Variants in ADD1 observed in about 807,000 individuals in gnomAD.
ADD1 encodes adducin 1, also known as alpha-adducin.
In ADD1, 24 loss-of-function variants were observed where a neutral mutation model predicts 80.5. That is an observed-to-expected ratio of 0.30 (90% confidence interval 0.22 to 0.42). The LOEUF (loss-of-function observed/expected upper bound fraction) is 0.42. Among genes scored for constraint, ADD1 ranks in the 10% least tolerant of loss-of-function variants. ADD1 has a pLI of 1.00. For missense variants in ADD1, 948 were observed against 1,019.0 expected (o/e 0.93, Z 0.95); for synonymous variants, 373 against 393.8 (o/e 0.95, Z 0.63).
At chr4:2,881,072 CTTTTTTTTTTTTT>C (rs752868581) in intron 2 of ADD1, among the ~76,000 whole-genome samples, 1 of 89,362 alleles carries the variant, frequency 1.1e-5, no homozygotes, top group African/African-American at 4.6e-5. Flanking sequence ...GATGTATTTA[CTTTTTTTTTTTTT>C]TTTTTTTTTT....
At chr4:2,909,540 A>G (rs1577678599) in intron 13 of ADD1, 109 bp downstream of exon 13, 13 of 765,974 alleles carry the variant, frequency 1.7e-5, no homozygotes, top group Non-Finnish European at 2.8e-5. Context: ...AGTAGCTTCA[A>G]ATGGATCTTT....
intron 1 of ADD1, among the ~76,000 whole-genome samples, chr4:2,852,001 G>A (rs1424347816): frequency 6.6e-6 from 1 of 152,054 alleles, no homozygotes; most frequent in Non-Finnish European, 1.5e-5. Context: ...ACTACGCCCG[G>A]CTAATTTTTG....
At chr4:2,921,697 G>T (rs1161263574) in intron 14 of ADD1, among the ~76,000 whole-genome samples, 1 of 152,018 alleles carries the variant, frequency 6.6e-6, no homozygotes, top group African/African-American at 2.4e-5. Context: ...GCTAGGTTGG[G>T]GAAGTTCTCC....
intron 10 of ADD1, 92 bp downstream of exon 10, chr4:2,905,200 C>A: frequency 1.6e-6 from 2 of 1,254,760 alleles, no homozygotes; most frequent in Non-Finnish European, 2.3e-6. Context: ...GCCTTTCTGA[C>A]CCAGGTGTAA....
At chr4:2,871,410 G>GT (rs1730436546) in intron 1 of ADD1, among the ~76,000 whole-genome samples, 1 of 152,184 alleles carries the variant, frequency 6.6e-6, no homozygotes, top group Non-Finnish European at 1.5e-5. Context: ...GATAGTTGGT[G>GT]TAAGTGTCTT....
chr4:2,918,361 T>A (rs1410732792), intron 14 of ADD1, among the ~76,000 whole-genome samples: 1 of 152,226 alleles, frequency 6.6e-6, no homozygotes, highest in Non-Finnish European at 1.5e-5. Context: ...TGCAGTTGAT[T>A]TTGTATCTTG....
chr4:2,844,163 C>T (rs1375328188), intron 1 of ADD1, 139 bp downstream of exon 1: 2 of 150,578 alleles, frequency 1.3e-5, no homozygotes, highest in Middle Eastern at 3.2e-3. Context: ...GGCGGGGAGG[C>T]CGCTGCGGCG....
At chr4:2,908,983 C>A in intron 12 of ADD1, 1 of 440,710 alleles carries the variant, frequency 2.3e-6, no homozygotes, top group Non-Finnish European at 4.2e-6. Flanking sequence ...CAAAGTGCTG[C>A]TTGGGTTGCA....
chr4:2,926,194 G>A lies in ADD1; in HGVS notation c.2047+82G>A, dbSNP rs1246224553. The A allele has an allele frequency of 4.9e-6, 6 of 1,226,476 alleles. No homozygotes were observed. Among genetic ancestry groups the A allele is most frequent in the Non-Finnish European group, 7.2e-6 (6 of 833,754 alleles). The allele number at this position is 1,226,476 out of a possible 1,614,324, so 76.0% of individuals were successfully genotyped here. ...TGTGGCGGAATGTGGCGGGAGTCGTGTTAACAGCAACACGGAAGTGTGTGC... is the reference window on the plus strand; with the variant it reads ...TGTGGCGGAATGTGGCGGGAGTCGTATTAACAGCAACACGGAAGTGTGTGC... On this transcript the variant is annotated intron_variant, in intron 15 of 15. Coordinates refer to ENST00000683351, the MANE Select transcript of ADD1 (RefSeq NM_001354761.2). The surrounding 1 kb of genome is among the most constrained non-coding windows in gnomAD (Gnocchi z 5.0).
intron 10 of ADD1, among the ~76,000 whole-genome samples, chr4:2,906,425 G>A (rs1439620442): frequency 2.6e-5 from 4 of 151,652 alleles, no homozygotes; most frequent in Non-Finnish European, 5.9e-5. Context: ...ACCTTTCTGC[G>A]GCTGATGTGA....
chr4:2,876,961 T>C (rs988059294), intron 2 of ADD1, among the ~76,000 whole-genome samples: 1 of 146,956 alleles, frequency 6.8e-6, no homozygotes, highest in African/African-American at 2.5e-5. Context: ...GAGATTGTGC[T>C]ACTGCACTCC....
chr4:2,898,499 A>T lies in ADD1; in HGVS notation c.952A>T (p.Ile318Phe). The T allele has an allele frequency of 6.2e-7, 1 of 1,614,148 alleles. No individual in the cohort carries two copies. The highest frequency in any genetic ancestry group is 8.5e-7 in the Non-Finnish European group (1 of 1,180,020). Reference sequence around the variant, plus strand: ...GAGCGTTGAGGAGGCCTTCTATTACATCCATAACCTTGTGGTTGCCTGTGA... The same window carrying T: ...GAGCGTTGAGGAGGCCTTCTATTACTTCCATAACCTTGTGGTTGCCTGTGA... ...GESVEEAFYY[I>F]HNLVVACEIQ... The change falls in exon 8 of 16, where the codon ATC becomes TTC. Residue 318 changes from isoleucine to phenylalanine, a missense_variant. Physicochemically the swap from Ile to Phe is conservative, Grantham distance 21 (BLOSUM62 0). Transcript: ENST00000683351.
intron 1 of ADD1, among the ~76,000 whole-genome samples, chr4:2,863,689 C>T (rs968444224): frequency 1.3e-5 from 2 of 151,954 alleles, no homozygotes; most frequent in African/African-American, 4.8e-5. Flanking sequence ...TTTACTGTAT[C>T]ACTCATGGTT....
intron 1 of ADD1, among the ~76,000 whole-genome samples, chr4:2,872,767 G>A (rs1162446057): frequency 6.6e-6 from 1 of 152,040 alleles, no homozygotes; most frequent in Non-Finnish European, 1.5e-5. Flanking sequence ...TACTATGTAA[G>A]CTAGACAGCT....
At chr4:2,925,490 T>C (rs1284221397) in intron 14 of ADD1, among the ~76,000 whole-genome samples, 3 of 152,262 alleles carry the variant, frequency 2.0e-5, no homozygotes, top group Non-Finnish European at 4.4e-5. Flanking sequence ...CTGCATTTTT[T>C]CCTCTGGTTC....
At chr4:2,877,852 G>A (rs1204007940) in intron 2 of ADD1, among the ~76,000 whole-genome samples, 2 of 152,098 alleles carry the variant, frequency 1.3e-5, no homozygotes, top group Non-Finnish European at 2.9e-5. Context: ...GGCATGCCCC[G>A]GCAATCCCAG....
At chr4:2,922,812 CCTTT>C (rs1740284186) in intron 14 of ADD1, among the ~76,000 whole-genome samples, 2 of 152,344 alleles carry the variant, frequency 1.3e-5, no homozygotes, top group Admixed American at 1.3e-4. Flanking sequence ...GGGGCTGCTG[CCTTT>C]CTTTCAGAGA....
At chr4:2,917,865 C>G (rs1326622812) in intron 14 of ADD1, among the ~76,000 whole-genome samples, 1 of 152,174 alleles carries the variant, frequency 6.6e-6, no homozygotes, top group Admixed American at 6.5e-5. Context: ...GGCCTCTGTT[C>G]TGTTCCGTTG....
chr4:2,904,380 A>G (rs1401187188), intron 9 of ADD1, among the ~76,000 whole-genome samples: 1 of 152,182 alleles, frequency 6.6e-6, no homozygotes, highest in Non-Finnish European at 1.5e-5. Context: ...AATGAATGGT[A>G]TTACATGGTG....
Sources: gnomAD v4.1 joint callset for allele counts (sites outside exome capture counted in the v4.1 genomes callset) on GRCh38, gnomAD v4.1.1 for gene constraint, Gnocchi (gnomAD v3.1) non-coding constraint, MANE v1.5 for transcripts, NCBI Gene and HGNC (gene_info 2026-07-23, HGNC 2026-07-21) for gene names.